MARCHF5: variants seen among roughly 807,000 people sequenced by gnomAD.
MARCHF5 encodes membrane associated ring-CH-type finger 5.
Under a neutral mutation model 36.5 loss-of-function variants are expected in MARCHF5, and 5 were observed. The ratio of observed to expected loss-of-function variants is 0.14; its 90% CI spans 0.07 to 0.29. The LOEUF (loss-of-function observed/expected upper bound fraction) is 0.29. MARCHF5 is among the 10% of genes least tolerant of loss of function. The probability of loss-of-function intolerance (pLI) is 1.00; values close to 1 mark genes in which losing one functional copy is unlikely to be tolerated. For synonymous variants in MARCHF5, 103 were observed against 109.9 expected (o/e 0.94, Z 0.39); for missense variants, 179 against 336.3 (o/e 0.53, Z 3.66).
intron 2 of MARCHF5, among the ~76,000 whole-genome samples, chr10:92,313,054 T>C (rs983731510): frequency 6.6e-6 from 1 of 151,204 alleles, no homozygotes; most frequent in African/African-American, 2.4e-5. Flanking sequence ...GCCAATATGG[T>C]GAAACTATGT....
chr10:92,351,093 TG>T lies in MARCHF5; in HGVS notation c.725del (p.Gly242GlufsTer7). On this transcript the variant is annotated frameshift_variant, in exon 6 of 6. Transcript: ENST00000358935. LOFTEE classifies it high-confidence loss of function. ...GCTAATTTTCCTTTTTATTTTAGGGTGGAATTGCGTTTGTTGCCATAAAAGG... is the reference window on the plus strand; with the variant it reads ...GCTAATTTTCCTTTTTATTTTAGGGTGAATTGCGTTTGTTGCCATAAAAGG... The part of the protein sequence containing the change: ...NSNLQRTILG[G>X]IAFVAIKGAF... 1 of 1,578,084 alleles carries T rather than the reference TG, an allele frequency of 6.3e-7. No individual in the cohort carries two copies. The highest frequency in any genetic ancestry group is 8.7e-7 in the Non-Finnish European group (1 of 1,150,356).
chr10:92,304,669 C>G (rs1331878458), intron 1 of MARCHF5, among the ~76,000 whole-genome samples: 1 of 152,220 alleles, frequency 6.6e-6, no homozygotes, highest in Non-Finnish European at 1.5e-5. Flanking sequence ...ATACTCATTT[C>G]TAATTGCTGT....
At chr10:92,309,824 G>A (rs921544935) in intron 1 of MARCHF5, among the ~76,000 whole-genome samples, 3 of 151,932 alleles carry the variant, frequency 2.0e-5, no homozygotes, top group African/African-American at 2.4e-5. Flanking sequence ...TCTATTTGAC[G>A]ATAAAATTTT....
chr10:92,291,936 T>A (rs1842875926), intron 1 of MARCHF5, among the ~76,000 whole-genome samples: 1 of 152,092 alleles, frequency 6.6e-6, no homozygotes, highest in Non-Finnish European at 1.5e-5. Context: ...TTTAAGTCTC[T>A]GTCTGAGAAC....
chr10:92,320,716 G>C (rs1300470174), intron 2 of MARCHF5, among the ~76,000 whole-genome samples: 2 of 148,960 alleles, frequency 1.3e-5, no homozygotes, highest in African/African-American at 4.9e-5. Flanking sequence ...GTTTTAAGCT[G>C]TTAATACAAA....
chr10:92,300,032 A>T (rs1327561807), intron 1 of MARCHF5, among the ~76,000 whole-genome samples: 1 of 152,034 alleles, frequency 6.6e-6, no homozygotes, highest in Non-Finnish European at 1.5e-5. Context: ...GTAGTGGTGC[A>T]TGCCTATACT....
chr10:92,318,824 G>A (rs569720633), intron 2 of MARCHF5, among the ~76,000 whole-genome samples: 8 of 151,644 alleles, frequency 5.3e-5, no homozygotes, highest in South Asian at 2.1e-4. Context: ...CTCCTGCCTC[G>A]GCCTCCCAAG....
chr10:92,291,610 G>A, intron 1 of MARCHF5, 81 bp downstream of exon 1: 2 of 1,441,806 alleles, frequency 1.4e-6, no homozygotes, highest in Non-Finnish European at 9.1e-7. Flanking sequence ...GGCTCTTGGT[G>A]AGCAGAACCC....
At chr10:92,303,327 AT>A (rs1843038284) in intron 1 of MARCHF5, among the ~76,000 whole-genome samples, 1 of 152,150 alleles carries the variant, frequency 6.6e-6, no homozygotes, top group East Asian at 1.9e-4. Context: ...CTATGAATAT[AT>A]GTTCATTTCC....
At chr10:92,331,900 CA>C (rs1213941662) in intron 2 of MARCHF5, among the ~76,000 whole-genome samples, 2 of 144,036 alleles carry the variant, frequency 1.4e-5, no homozygotes, top group Admixed American at 1.4e-4. Flanking sequence ...TATATATAAT[CA>C]TATATATGTA....
chr10:92,299,981 C>G (rs926649156), intron 1 of MARCHF5, among the ~76,000 whole-genome samples: 34 of 151,482 alleles, frequency 2.2e-4, no homozygotes, highest in African/African-American at 8.2e-4. Context: ...GAGCAAAATA[C>G]TAAGACCCCC....
At chr10:92,327,727 A>G (rs1843383078) in intron 2 of MARCHF5, among the ~76,000 whole-genome samples, 2 of 152,222 alleles carry the variant, frequency 1.3e-5, no homozygotes, top group Admixed American at 1.3e-4. Flanking sequence ...ACCAAAGCTC[A>G]GCAGAATGCT....
chr10:92,320,081 T>G (rs978414449), intron 2 of MARCHF5, among the ~76,000 whole-genome samples: 5 of 150,024 alleles, frequency 3.3e-5, no homozygotes, highest in African/African-American at 1.2e-4. Context: ...AGAGACAGGG[T>G]CTTACTGTGT....
rs1740251669 is a variant in MARCHF5 at position 92,340,685 on chromosome 10, A to T, written c.251A>T (p.Tyr84Phe). Residue 84 changes from tyrosine (Y) to phenylalanine (F), a missense_variant, in exon 3 of 6, where the codon TAC becomes TTC. Physicochemically the swap from Tyr to Phe is conservative, Grantham distance 22 (BLOSUM62 3). Around this residue, in one of 3 missense-constraint regions of MARCHF5, gnomAD observed 66 missense variants for 180.5 expected, o/e 0.37. Transcript: ENST00000358935. Reference sequence around the variant, plus strand: ...CTGTGTGTTATAGGTCCAGTGGTTTACGTCTTGGATCTTGCAGATAGACTG... The same window carrying T: ...CTGTGTGTTATAGGTCCAGTGGTTTTCGTCTTGGATCTTGCAGATAGACTG... Reference protein sequence around the residue: ...IVFPKLGPVVYVLDLADRLIS... With the variant: ...IVFPKLGPVVFVLDLADRLIS... The T allele has an allele frequency of 6.2e-7, 1 of 1,611,128 alleles. No homozygotes were observed.
chr10:92,298,797 A>G (rs1842977399), intron 1 of MARCHF5, among the ~76,000 whole-genome samples: 1 of 151,970 alleles, frequency 6.6e-6, no homozygotes, highest in African/African-American at 2.4e-5. Context: ...TCCTGAGCTT[A>G]AGTGACCCTC....
intron 2 of MARCHF5, among the ~76,000 whole-genome samples, chr10:92,328,647 T>C (rs1590660506): frequency 1.3e-5 from 2 of 151,656 alleles, no homozygotes; most frequent in Non-Finnish European, 2.9e-5. Context: ...TGAGTAGAGT[T>C]ATATTAGACA....
chr10:92,335,645 C>T (rs1235249964), intron 2 of MARCHF5, among the ~76,000 whole-genome samples: 1 of 152,102 alleles, frequency 6.6e-6, no homozygotes, highest in Non-Finnish European at 1.5e-5. Flanking sequence ...TTGCCTATAA[C>T]ACAAGAGATG....
chr10:92,325,756 C>T (rs1226377371), intron 2 of MARCHF5, among the ~76,000 whole-genome samples: 1 of 152,146 alleles, frequency 6.6e-6, no homozygotes, highest in Non-Finnish European at 1.5e-5. Context: ...TGGCTCTCTG[C>T]AACCTCTGCC....
At chr10:92,293,900 A>G (rs922477372) in intron 1 of MARCHF5, among the ~76,000 whole-genome samples, 6 of 152,146 alleles carry the variant, frequency 3.9e-5, no homozygotes, top group African/African-American at 1.2e-4. Flanking sequence ...TACTACTCTC[A>G]TCTTTGTACT....
Sources: gnomAD v4.1 joint callset for allele counts (sites outside exome capture counted in the v4.1 genomes callset) on GRCh38, gnomAD v4.1.1 for gene constraint, gnomAD v4.1.1 regional missense constraint, MANE v1.5 for transcripts, NCBI Gene and HGNC (gene_info 2026-07-23, HGNC 2026-07-21) for gene names.